TNS3: variants seen among roughly 807,000 people sequenced by gnomAD.
TNS3 encodes the protein tensin 3.
In TNS3, 45 loss-of-function variants were observed where a neutral mutation model predicts 140.9. The ratio of observed to expected loss-of-function variants is 0.32; its 90% CI spans 0.25 to 0.41. TNS3 has a LOEUF of 0.41. Ranked by LOEUF, TNS3 falls within the 10% of genes least tolerant of loss-of-function variation. The probability of loss-of-function intolerance (pLI) is 1.00; values close to 1 mark genes in which losing one functional copy is unlikely to be tolerated. For missense variants in TNS3, 1,716 were observed against 1,906.7 expected, an observed-to-expected ratio of 0.90 and a Z score of 1.86; for synonymous variants, 815 against 788.4, an observed-to-expected ratio of 1.03 and a Z score of -0.56.
At chr7:47,530,823 C>CAAAAAAAA (rs781707373) in intron 1 of TNS3, among the ~76,000 whole-genome samples, 3 of 45,010 alleles carry the variant, frequency 6.7e-5, no homozygotes, top group African/African-American at 2.4e-4. Context: ...AACTCCATCT[C>CAAAAAAAA]AAAAAAAAAA....
chr7:47,339,977 A>G (rs1788863335), intron 20 of TNS3, among the ~76,000 whole-genome samples: 2 of 144,690 alleles, frequency 1.4e-5, no homozygotes, highest in South Asian at 2.2e-4. Flanking sequence ...ATATATATAT[A>G]TATGTATACA....
chr7:47,293,979 A>G lies in TNS3; in HGVS notation c.3677-151T>C, dbSNP rs1479329261. The G allele has an allele frequency of 5.5e-6, 4 of 721,542 alleles. No individual in the cohort carries two copies. In the African/African-American group the frequency reaches 7.1e-5, roughly 13 times the overall value. 44.7% of individuals were successfully genotyped at this position (721,542 alleles called of 1,614,324 possible). A position where few individuals can be genotyped will look rare whatever the true frequency, so the allele number is the denominator to read the frequency against. ...ACTGCAAAAGAGGCTGCCAAGAACC[A>G]TCTTCGTCCTAGGAATGGTAGCCGG... On this transcript the variant is annotated intron_variant, in intron 24 of 30. Coordinates refer to ENST00000311160, the MANE Select transcript of TNS3 (RefSeq NM_022748.12).
chr7:47,430,395 G>A (rs1584641229), intron 8 of TNS3, among the ~76,000 whole-genome samples: 1 of 152,186 alleles, frequency 6.6e-6, no homozygotes, highest in South Asian at 2.1e-4. Context: ...CTCCCAAAGT[G>A]CTGGGATTAC....
At chr7:47,424,735 C>T (rs1255164151) in intron 9 of TNS3, among the ~76,000 whole-genome samples, 1 of 152,206 alleles carries the variant, frequency 6.6e-6, no homozygotes, top group Non-Finnish European at 1.5e-5. Flanking sequence ...CAGTATGTCA[C>T]TCCCAGGACT....
upstream of TNS3, chr7:47,582,252 C>T: frequency 3.0e-6 from 1 of 336,066 alleles, no homozygotes; most frequent in South Asian, 2.2e-5. Context: ...ATCACCCTAA[C>T]AATGCAGCGC....
chr7:47,547,663 C>G (rs1393623642), intron 1 of TNS3, among the ~76,000 whole-genome samples: 1 of 152,086 alleles, frequency 6.6e-6, no homozygotes, highest in African/African-American at 2.4e-5. Context: ...TCACAGACTT[C>G]CAGGAGCCCT....
At position 47,541,608 on chromosome 7, in the gene TNS3, T is replaced by C. The variant is rs535561902; in HGVS notation, c.-264-12461A>G. Among the ~76,000 whole-genome samples, 3 of 152,218 alleles carry C rather than the reference T, an allele frequency of 2.0e-5. No homozygotes were observed. In the South Asian group the frequency reaches 6.2e-4, roughly 32 times the overall value. On this transcript the variant is annotated intron_variant, in intron 1 of 30. Transcript: ENST00000311160. Reference sequence around the variant, plus strand: ...AGTGATAATATTGGATTATGACCCATTGAATACAATACAAATCCAAGACTC... The same window carrying C: ...AGTGATAATATTGGATTATGACCCACTGAATACAATACAAATCCAAGACTC...
intron 2 of TNS3, among the ~76,000 whole-genome samples, chr7:47,522,807 A>G (rs1270458702): frequency 1.3e-5 from 2 of 152,032 alleles, no homozygotes; most frequent in African/African-American, 4.8e-5. Flanking sequence ...GGGCGCCTGT[A>G]GTCCCAGCTA....
chr7:47,473,778 C>T (rs919519730), intron 4 of TNS3, among the ~76,000 whole-genome samples: 74 of 152,194 alleles, frequency 4.9e-4, no homozygotes, highest in Non-Finnish European at 9.1e-4. Flanking sequence ...ATGCTCAGCT[C>T]ACTAAGCCCC....
intron 16 of TNS3, among the ~76,000 whole-genome samples, chr7:47,384,610 C>T (rs1562667820): frequency 2.6e-5 from 4 of 152,242 alleles, no homozygotes; most frequent in East Asian, 1.9e-4. Context: ...TTCCACCAAA[C>T]TTTGAAAGCC....
At chr7:47,575,822 C>CAAAAAAAAAAAAAAAAA (rs10553927) in intron 1 of TNS3, among the ~76,000 whole-genome samples, 1 of 68,320 alleles carries the variant, frequency 1.5e-5, no homozygotes, top group Non-Finnish European at 2.6e-5. Flanking sequence ...GACTCTGCCT[C>CAAAAAAAAAAAAAAAAA]AAAAAAAAAA....
At chr7:47,356,924 A>AC (rs1790028512) in intron 17 of TNS3, among the ~76,000 whole-genome samples, 1 of 24,370 alleles carries the variant, frequency 4.1e-5, no homozygotes, top group South Asian at 1.4e-3. Flanking sequence ...AGAAAAATAC[A>AC]AAAAAAAAAA....
At chr7:47,342,979 C>G (rs1254956401) in intron 20 of TNS3, among the ~76,000 whole-genome samples, 1 of 152,158 alleles carries the variant, frequency 6.6e-6, no homozygotes, top group Non-Finnish European at 1.5e-5. Context: ...TGAAGTTGAC[C>G]CTCCCTGGGG....
chr7:47,400,432 C>A lies in TNS3; in HGVS notation c.880G>T (p.Val294Phe), dbSNP rs1395872347. The A allele has an allele frequency of 5.0e-6, 8 of 1,614,160 alleles. No homozygotes were observed. Among genetic ancestry groups the A allele is most frequent in the Non-Finnish European group, 5.9e-6 (7 of 1,180,020 alleles). ...GGCGTGGCAGAGAAGACTAATTCAACCTTCCCATAGTCAGGAAAACGGTCA... is the reference window on the plus strand; with the variant it reads ...GGCGTGGCAGAGAAGACTAATTCAAACTTCCCATAGTCAGGAAAACGGTCA... ...KDDRFPDYGK[V>F]ELVFSATPEK... Residue 294 changes from valine (V) to phenylalanine (F), a missense_variant, in exon 15 of 31, where the codon GTT (valine) becomes TTT (phenylalanine). Physicochemically the swap from Val to Phe is conservative, Grantham distance 50. Transcript: ENST00000311160.
At chr7:47,522,770 T>C (rs1033203145) in intron 2 of TNS3, among the ~76,000 whole-genome samples, 3 of 151,758 alleles carry the variant, frequency 2.0e-5, no homozygotes, top group Non-Finnish European at 2.9e-5. Flanking sequence ...CTACTAAAAA[T>C]ACAAAAAATT....
chr7:47,453,027 A>G lies in TNS3; in HGVS notation c.-75-10972T>C, dbSNP rs1006483298. The G allele has an allele frequency of 4.1e-6, 4 of 985,526 alleles. No homozygotes were observed. In the Admixed American group the frequency reaches 1.8e-4, roughly 45 times the overall value. The allele number at this position is 985,526 out of a possible 1,614,324, so 61.0% of individuals were successfully genotyped here. On this transcript the variant is annotated intron_variant, in intron 4 of 30. Coordinates refer to ENST00000311160, the MANE Select transcript of TNS3 (RefSeq NM_022748.12). ...TTCGCTCCTTCCCCTGCTTTAGTCA[A>G]GCACACCCCTCTTCGTGTTAATGTC...
intron 10 of TNS3, among the ~76,000 whole-genome samples, chr7:47,423,614 G>A (rs1342341715): frequency 6.6e-6 from 1 of 152,248 alleles, no homozygotes; most frequent in African/African-American, 2.4e-5. Flanking sequence ...GTTTGTGTAA[G>A]TAAAGTTTTA....
chr7:47,505,662 A>C (rs1798388380), intron 3 of TNS3, among the ~76,000 whole-genome samples: 1 of 152,234 alleles, frequency 6.6e-6, no homozygotes, highest in Admixed American at 6.5e-5. Flanking sequence ...TGAAGACTTT[A>C]AAAAGTCTCT....
At chr7:47,523,225 C>T (rs189378135) in intron 2 of TNS3, among the ~76,000 whole-genome samples, 247 of 152,182 alleles carry the variant, frequency 1.6e-3, no homozygotes, top group East Asian at 7.8e-4. Flanking sequence ...GGGCCCTAAT[C>T]CCACCCATGA....
Sources: gnomAD v4.1 joint callset for allele counts (sites outside exome capture counted in the v4.1 genomes callset) on GRCh38, gnomAD v4.1.1 for gene constraint, MANE v1.5 for transcripts, NCBI Gene and HGNC (gene_info 2026-07-23, HGNC 2026-07-21) for gene names.